Variants in CDH17 observed in about 807,000 individuals in gnomAD.
The protein encoded by CDH17 is cadherin-17.
Under a neutral mutation model 86.3 loss-of-function variants are expected in CDH17, and 67 were observed. The ratio of observed to expected loss-of-function variants is 0.78; its 90% CI spans 0.64 to 0.95. The LOEUF (loss-of-function observed/expected upper bound fraction) is 0.95. Among genes scored for constraint, CDH17 ranks in the 40% least tolerant of loss-of-function variants. The pLI is 0.00. For missense variants in CDH17, 993 were observed against 1,017.6 expected, an observed-to-expected ratio of 0.98 and a Z score of 0.33; for synonymous variants, 367 against 366.4, an observed-to-expected ratio of 1.00 and a Z score of -0.02.
chr8:94,211,787 T>C (rs1814125576), upstream of CDH17, among the ~76,000 whole-genome samples: 1 of 152,246 alleles, frequency 6.6e-6, no homozygotes, highest in South Asian at 2.1e-4. Context: ...ATATTTTAAT[T>C]ACTTAATATC....
intron 5 of CDH17, 69 bp downstream of exon 5, chr8:94,176,472 C>T: frequency 6.5e-7 from 1 of 1,548,814 alleles, no homozygotes; most frequent in Non-Finnish European, 8.8e-7. Context: ...CTATTAGCCA[C>T]ACAAGTCTGC....
At chr8:94,147,318 A>T (rs1812762989) in intron 14 of CDH17, among the ~76,000 whole-genome samples, 1 of 152,174 alleles carries the variant, frequency 6.6e-6, no homozygotes, top group African/African-American at 2.4e-5. Flanking sequence ...CCATTCACAC[A>T]CACCCCTCCC....
rs1024494401 is a variant in CDH17 at position 94,176,819 on chromosome 8, T to A, written c.286-140A>T. On this transcript the variant is annotated intron_variant, in intron 4 of 17. Transcript: ENST00000027335. ...GAGAAAGAACTCACAAAAGGCCAAA[T>A]TGGGAAATGCTAAAACAGGGATTGT... The A allele has an allele frequency of 1.1e-5, 8 of 758,234 alleles. No individual in the cohort carries two copies. The African/African-American group carries it at 1.4e-4, about 14-fold the overall frequency. The allele number at this position is 758,234 out of a possible 1,614,324, so 47.0% of individuals were successfully genotyped here.
intron 9 of CDH17, among the ~76,000 whole-genome samples, chr8:94,169,061 T>C (rs1012285615): frequency 2.0e-5 from 3 of 152,182 alleles, no homozygotes; most frequent in African/African-American, 7.2e-5. Flanking sequence ...TAGAGCAATC[T>C]GTTTTGCAGA....
At chr8:94,195,555 C>G (rs1359925917) in intron 1 of CDH17, among the ~76,000 whole-genome samples, 1 of 152,148 alleles carries the variant, frequency 6.6e-6, no homozygotes, top group African/African-American at 2.4e-5. Flanking sequence ...AAAATCTGAA[C>G]TCTGTCCTTA....
At chr8:94,141,202 C>A (rs957289157) in intron 15 of CDH17, among the ~76,000 whole-genome samples, 1 of 151,140 alleles carries the variant, frequency 6.6e-6, no homozygotes, top group African/African-American at 2.4e-5. Context: ...CCCAAAAAAT[C>A]AAATCAGCCA....
chr8:94,204,348 T>TC lies in CDH17; in HGVS notation c.-21+4134dup, dbSNP rs565289784. ...CCCCGATGTGTGATGTTCCCCTGTG[T>TC]CATGTGTTCTCATTGTTAACTCCCC... On this transcript the variant is annotated intron_variant, in intron 1 of 17. Coordinates refer to ENST00000027335, the MANE Select transcript of CDH17 (RefSeq NM_004063.4). Among the ~76,000 whole-genome samples the TC allele has an allele frequency of 9.0e-4, 136 of 151,512 alleles. 1 individual carries two copies. Among genetic ancestry groups the TC allele is most frequent in the African/African-American group, 3.0e-3 (124 of 41,306 alleles).
chr8:94,170,102 A>AC (rs1347045823), intron 9 of CDH17, among the ~76,000 whole-genome samples: 2 of 152,350 alleles, frequency 1.3e-5, no homozygotes, highest in East Asian at 3.9e-4. Flanking sequence ...ATATACATGT[A>AC]TATAAGATAC....
intron 3 of CDH17, among the ~76,000 whole-genome samples, chr8:94,179,025 C>T (rs1813425458): frequency 7.1e-6 from 1 of 140,958 alleles, no homozygotes; most frequent in African/African-American, 2.7e-5. Context: ...CAGATGCTTG[C>T]AAAATCCAAG....
At chr8:94,150,038 C>A (rs934782263) in intron 13 of CDH17, among the ~76,000 whole-genome samples, 1 of 152,070 alleles carries the variant, frequency 6.6e-6, no homozygotes, top group African/African-American at 2.4e-5. Context: ...CTGGAAGCAA[C>A]CTACATATCA....
chr8:94,189,300 A>G lies in CDH17; in HGVS notation c.52-15T>C, dbSNP rs949821772. On this transcript the variant is annotated splice_polypyrimidine_tract_variant and intron_variant, in intron 2 of 17. Coordinates refer to ENST00000027335, the MANE Select transcript of CDH17 (RefSeq NM_004063.4). ...TATCCAGTTGCCTGTTAAAAAAGAA[A>G]GAGAAAATTAGCATCTTGTATGAAG... 3 of 1,562,856 alleles carry G rather than the reference A, an allele frequency of 1.9e-6. No homozygotes were observed. Among genetic ancestry groups the G allele is most frequent in the South Asian group, 1.1e-5 (1 of 87,170 alleles).
At chr8:94,174,659 C>G (rs1182019149) in intron 5 of CDH17, among the ~76,000 whole-genome samples, 1 of 152,184 alleles carries the variant, frequency 6.6e-6, no homozygotes, top group Non-Finnish European at 1.5e-5. Flanking sequence ...TAAAGAATGT[C>G]CAGTTATCTG....
chr8:94,148,379 T>C (rs1331601321), intron 14 of CDH17, among the ~76,000 whole-genome samples: 1 of 151,678 alleles, frequency 6.6e-6, no homozygotes, highest in Non-Finnish European at 1.5e-5. Context: ...CTGTCTCTAC[T>C]AAAAATACAA....
intron 9 of CDH17, among the ~76,000 whole-genome samples, chr8:94,169,454 G>A (rs575127971): frequency 1.5e-4 from 23 of 152,220 alleles, no homozygotes; most frequent in Admixed American, 4.6e-4. Context: ...CTCCAGCAGC[G>A]CCCACCAAGC....
upstream of CDH17, among the ~76,000 whole-genome samples, chr8:94,210,877 C>T (rs1226528094): frequency 6.6e-6 from 1 of 151,848 alleles, no homozygotes; most frequent in Admixed American, 6.6e-5. Context: ...AAAAATTAGC[C>T]AGGTGTGGTG....
intron 17 of CDH17, among the ~76,000 whole-genome samples, chr8:94,130,201 A>G (rs1484192657): frequency 6.6e-6 from 1 of 152,212 alleles, no homozygotes; most frequent in Non-Finnish European, 1.5e-5. Flanking sequence ...ATATCTCAGC[A>G]TCGCCACTGG....
At chr8:94,161,989 G>T (rs555305109) in intron 11 of CDH17, 97 bp downstream of exon 11, 62 of 764,858 alleles carry the variant, frequency 8.1e-5, no homozygotes, top group Middle Eastern at 7.4e-4. Flanking sequence ...GTTAAGTCTG[G>T]CACTTTTCCT....
At chr8:94,201,815 G>T (rs1177904609) in intron 1 of CDH17, 6 of 153,624 alleles carry the variant, frequency 3.9e-5, no homozygotes, top group Non-Finnish European at 8.7e-5. Flanking sequence ...CCCACCCAAG[G>T]CTTCCTTGAT....
At chr8:94,161,741 A>G (rs938788182) in intron 11 of CDH17, among the ~76,000 whole-genome samples, 3 of 152,218 alleles carry the variant, frequency 2.0e-5, no homozygotes, top group African/African-American at 7.2e-5. Context: ...CAGTAAATCT[A>G]TTTATTGTCC....
Sources: gnomAD v4.1 joint callset for allele counts (sites outside exome capture counted in the v4.1 genomes callset) on GRCh38, gnomAD v4.1.1 for gene constraint, MANE v1.5 for transcripts, NCBI Gene and HGNC (gene_info 2026-07-23, HGNC 2026-07-21) for gene names.